RYR3: variants seen among roughly 807,000 people sequenced by gnomAD.
RYR3 encodes the protein brain ryanodine receptor-calcium release channel.
RYR3 carries 207 observed loss-of-function variants against 584.3 expected under a neutral mutation model. That is an observed-to-expected ratio of 0.35 (90% CI 0.32 to 0.40). RYR3 has a LOEUF of 0.40. Among genes scored for constraint, RYR3 ranks in the 10% least tolerant of loss-of-function variants. RYR3 has a pLI of 1.00. For missense variants in RYR3, 5,616 were observed against 6,089.2 expected, an observed-to-expected ratio of 0.92 and a Z score of 2.59; for synonymous variants, 2,416 against 2,248.5, an observed-to-expected ratio of 1.07 and a Z score of -2.11.
intron 51 of RYR3, among the ~76,000 whole-genome samples, chr15:33,740,198 G>A (rs1343199231): frequency 6.6e-6 from 1 of 152,152 alleles, no homozygotes; most frequent in African/African-American, 2.4e-5. Context: ...TTTTTGGTGG[G>A]GGAGGAAAGG....
At chr15:33,681,195 T>C (rs1300584543) in intron 38 of RYR3, among the ~76,000 whole-genome samples, 1 of 152,222 alleles carries the variant, frequency 6.6e-6, no homozygotes, top group Non-Finnish European at 1.5e-5. Flanking sequence ...TAACAGAGAC[T>C]CTCCAGTCTG....
chr15:33,631,442 C>G (rs1595896955), intron 23 of RYR3, 149 bp downstream of exon 23: 1 of 582,224 alleles, frequency 1.7e-6, no homozygotes, highest in South Asian at 2.2e-5. Flanking sequence ...GACACTGAAG[C>G]CCTCAGATAG....
chr15:33,462,243 T>A (rs548574691), intron 1 of RYR3, among the ~76,000 whole-genome samples: 1 of 152,270 alleles, frequency 6.6e-6, no homozygotes, highest in South Asian at 2.1e-4. Context: ...GTATGGAAAT[T>A]GCTGGATGGT....
At chr15:33,413,718 TC>T (rs558489475) in intron 1 of RYR3, among the ~76,000 whole-genome samples, 1 of 151,994 alleles carries the variant, frequency 6.6e-6, no homozygotes, top group Non-Finnish European at 1.5e-5. Context: ...GTGGTCCTGT[TC>T]CCCCCCGCTC....
Position 33,726,409 on chromosome 15 carries a change from A to G in RYR3, c.6936A>G (p.Glu2312=), listed in dbSNP as rs2068462237. Residue 2312 remains glutamate, a synonymous_variant, in exon 46 of 104, where the codon GAA becomes GAG. Transcript: ENST00000634891. ...EMHLIQTGKG[E]AIRIRSILRS... ...AGCTCATCCAGACAGGAAAGGGGGAAGCCATCCGCATCAGGTCCATCCTGC... is the reference window on the plus strand; with the variant it reads ...AGCTCATCCAGACAGGAAAGGGGGAGGCCATCCGCATCAGGTCCATCCTGC... 1 of 1,613,160 alleles carries G rather than the reference A, an allele frequency of 6.2e-7. No individual in the cohort carries two copies. The highest frequency in any genetic ancestry group is 8.5e-7 in the Non-Finnish European group (1 of 1,179,604).
chr15:33,805,636 C>T (rs1356092090), intron 69 of RYR3, among the ~76,000 whole-genome samples: 1 of 151,886 alleles, frequency 6.6e-6, no homozygotes, highest in African/African-American at 2.4e-5. Flanking sequence ...CGCCACCACG[C>T]CCGGCTAATT....
intron 10 of RYR3, among the ~76,000 whole-genome samples, chr15:33,550,595 G>A (rs112807650): frequency 7.2e-5 from 11 of 152,120 alleles, no homozygotes; most frequent in South Asian, 2.1e-4. Context: ...AAAGGCTAAC[G>A]GAAACTATTG....
chr15:33,429,667 C>CTT (rs1466953272), intron 1 of RYR3, among the ~76,000 whole-genome samples: 1 of 152,232 alleles, frequency 6.6e-6, no homozygotes, highest in Admixed American at 6.5e-5. Context: ...TCCCAAAACA[C>CTT]TATTTTGAGA....
rs1471961077 is a variant in RYR3 at position 33,311,822 on chromosome 15, G to C, written c.51+726G>C. Among the ~76,000 whole-genome samples the C allele has an allele frequency of 6.6e-6, 1 of 152,238 alleles. No homozygotes were observed. The highest frequency in any genetic ancestry group is 1.5e-5 in the Non-Finnish European group (1 of 68,036). Reference sequence around the variant, plus strand: ...TCCGCGTCACTCAGGTCCCCTCCTTGACACCTGAGGGCGCTGCTCCGTCCC... The same window carrying C: ...TCCGCGTCACTCAGGTCCCCTCCTTCACACCTGAGGGCGCTGCTCCGTCCC... On this transcript the variant is annotated intron_variant, in intron 1 of 103. Transcript: ENST00000634891. This position sits in a 1 kb window ranked among gnomAD's most constrained non-coding sequence, Gnocchi z 4.4.
chr15:33,396,025 C>T (rs1323571724), intron 1 of RYR3, among the ~76,000 whole-genome samples: 4 of 152,040 alleles, frequency 2.6e-5, no homozygotes, highest in Admixed American at 1.3e-4. Flanking sequence ...ATATCTGGCC[C>T]GAGTGAGTGG....
intron 45 of RYR3, among the ~76,000 whole-genome samples, chr15:33,725,961 C>A: frequency 1.0e-5 from 1 of 95,928 alleles, no homozygotes; most frequent in African/African-American, 3.9e-5. Context: ...CAGAGCAAGA[C>A]TCCATCCCCC....
At chr15:33,414,712 C>G (rs928174152) in intron 1 of RYR3, among the ~76,000 whole-genome samples, 2 of 152,150 alleles carry the variant, frequency 1.3e-5, no homozygotes, top group Admixed American at 1.3e-4. Flanking sequence ...TCACGCCATT[C>G]CCGCGCCTCA....
chr15:33,367,329 C>T (rs1439723304), intron 1 of RYR3, among the ~76,000 whole-genome samples: 2 of 152,202 alleles, frequency 1.3e-5, no homozygotes, highest in Non-Finnish European at 2.9e-5. Context: ...TCACTTTCTT[C>T]CTTTTTTTCC....
Position 33,697,987 on chromosome 15 carries a change from G to C in RYR3, c.6240G>C (p.Glu2080Asp). ...MEVMVNVLGT[E>D]KSQIAFPKMV... is the part of the protein sequence containing the mutation. The stretch of plus-strand genomic sequence containing the variant: ...TGATGGTGAACGTGTTGGGTACAGA[G>C]AAATCTCAGGTAATGCTAAAAGGAG... Residue 2080 changes from glutamate to aspartate, a missense_variant, in exon 40 of 104, where the codon GAG becomes GAC. Transcript: ENST00000634891. The C allele has an allele frequency of 6.2e-7, 1 of 1,608,600 alleles. No homozygotes were observed. Among genetic ancestry groups the C allele is most frequent in the Non-Finnish European group, 8.5e-7 (1 of 1,174,988 alleles).
chr15:33,857,038 A>G (rs2079752061), intron 98 of RYR3, among the ~76,000 whole-genome samples: 1 of 152,164 alleles, frequency 6.6e-6, no homozygotes, highest in African/African-American at 2.4e-5. Flanking sequence ...TATGAACAAT[A>G]ACAAAACACA....
chr15:33,710,137 T>G (rs1360487190), intron 43 of RYR3, among the ~76,000 whole-genome samples: 1 of 152,160 alleles, frequency 6.6e-6, no homozygotes, highest in Admixed American at 6.5e-5. Flanking sequence ...TACCTGAGAC[T>G]TGATAATTTA....
chr15:33,843,676 A>G, intron 92 of RYR3, 102 bp downstream of exon 92: 2 of 846,900 alleles, frequency 2.4e-6, no homozygotes, highest in East Asian at 5.5e-5. Flanking sequence ...AATTGTAGCA[A>G]ACATTCTAAT....
At chr15:33,624,132 TG>T in intron 20 of RYR3, 109 bp downstream of exon 20, 1 of 764,898 alleles carries the variant, frequency 1.3e-6, no homozygotes, top group Non-Finnish European at 2.2e-6. Context: ...GCTCCAGAAT[TG>T]TTGTATAATG....
At chr15:33,701,228 C>T (rs891537053) in intron 42 of RYR3, 148 bp downstream of exon 42, 14 of 585,648 alleles carry the variant, frequency 2.4e-5, no homozygotes, top group Non-Finnish European at 3.7e-5. Flanking sequence ...TGTGAGTAAC[C>T]GGTAGCAGCA....
Sources: allele counts gnomAD v4.1 joint callset (sites outside exome capture counted in the v4.1 genomes callset), GRCh38; gene constraint gnomAD v4.1.1; non-coding constraint Gnocchi (gnomAD v3.1); transcripts MANE v1.5; gene names NCBI Gene and HGNC (gene_info 2026-07-23, HGNC 2026-07-21).